ASTN2: variants seen among roughly 807,000 people sequenced by gnomAD.
ASTN2 encodes the protein astrotactin 2, also known as astrotactin-2.
A neutral mutation model predicts 139.8 loss-of-function variants in ASTN2; 54 were observed. The ratio of observed to expected loss-of-function variants is 0.39; its 90% CI spans 0.31 to 0.48. The LOEUF is 0.48. ASTN2 is among the 20% of genes least tolerant of loss of function. The pLI, the probability that ASTN2 is intolerant of heterozygous loss-of-function variation, is 0.95. For missense variants in ASTN2, 1,565 were observed against 1,725.1 expected (o/e 0.91, Z 1.64); for synonymous variants, 756 against 719.5 (o/e 1.05, Z -0.81).
At chr9:116,943,359 C>T (rs978299642) in intron 10 of ASTN2, among the ~76,000 whole-genome samples, 3 of 152,176 alleles carry the variant, frequency 2.0e-5, no homozygotes, top group African/African-American at 4.8e-5. Context: ...TAGCACCTTT[C>T]TTTCTTCCCT....
At chr9:116,822,710 G>A (rs986436751) in intron 11 of ASTN2, among the ~76,000 whole-genome samples, 2 of 152,178 alleles carry the variant, frequency 1.3e-5, no homozygotes, top group East Asian at 1.9e-4. Flanking sequence ...CGCTTTACCC[G>A]TTTTAACTTA....
chr9:116,555,412 A>G (rs1248632687), intron 19 of ASTN2, among the ~76,000 whole-genome samples: 2 of 152,070 alleles, frequency 1.3e-5, no homozygotes, highest in Non-Finnish European at 2.9e-5. Flanking sequence ...CTCTGTCCCC[A>G]CTCTCAGTTT....
At chr9:116,974,355 G>A (rs1238180607) in intron 10 of ASTN2, among the ~76,000 whole-genome samples, 1 of 152,132 alleles carries the variant, frequency 6.6e-6, no homozygotes, top group African/African-American at 2.4e-5. Context: ...CTTGAGAAGT[G>A]CACCATAATG....
chr9:116,437,316 G>C (rs184889215), intron 22 of ASTN2: 1 of 471,320 alleles, frequency 2.1e-6, no homozygotes, highest in Admixed American at 2.3e-5. Flanking sequence ...GCAGCACCAG[G>C]ATAGATTAGG....
chr9:116,836,182 C>T (rs1425019849), intron 11 of ASTN2, among the ~76,000 whole-genome samples: 2 of 152,058 alleles, frequency 1.3e-5, no homozygotes, highest in Non-Finnish European at 2.9e-5. Flanking sequence ...AGTCACTGTT[C>T]CCCCCTTAAT....
intron 10 of ASTN2, among the ~76,000 whole-genome samples, chr9:116,961,016 T>A (rs1835861089): frequency 1.1e-4 from 1 of 9,166 alleles, no homozygotes; most frequent in Admixed American, 2.2e-3. Flanking sequence ...AAAGATGCTG[T>A]AAGAGGAGGA....
At position 116,448,735 on chromosome 9, in the gene ASTN2, A is replaced by G. The variant is rs74459508; in HGVS notation, c.3498-6182T>C. ...TTATCTTGTGGGATTGTGAGAATGA[A>G]ATCAGAATGCAATCTCCCTACCCAT... On this transcript the variant is annotated intron_variant, in intron 20 of 22. Transcript: ENST00000313400. Among the ~76,000 whole-genome samples, 1,977 of 152,288 alleles carry G rather than the reference A, an allele frequency of 0.013. 183 individuals carry two copies. The South Asian group carries it at 0.21, about 16-fold the overall frequency.
At chr9:116,597,299 AT>A (rs757848093) in intron 19 of ASTN2, among the ~76,000 whole-genome samples, 10,684 of 75,396 alleles carry the variant, frequency 0.14, 305 homozygotes, top group Middle Eastern at 0.18. Context: ...CTTTTGATCT[AT>A]TTTTTTTTTT....
chr9:117,065,114 T>C (rs1331385160), intron 5 of ASTN2, among the ~76,000 whole-genome samples: 1 of 152,064 alleles, frequency 6.6e-6, no homozygotes, highest in Non-Finnish European at 1.5e-5. Flanking sequence ...GCAATGCACA[T>C]ACAGGACTAG....
chr9:117,135,687 C>T (rs988040211), intron 4 of ASTN2, among the ~76,000 whole-genome samples: 1 of 152,118 alleles, frequency 6.6e-6, no homozygotes, highest in African/African-American at 2.4e-5. Context: ...GCTATGAGTG[C>T]TCAGAGAAAA....
rs191716828 is a variant in ASTN2, at chr9:116,778,154, C to T, written c.2396+27478G>A. Among the ~76,000 whole-genome samples the T allele has an allele frequency of 7.0e-4, 106 of 152,028 alleles. 1 individual carries two copies. The highest frequency in any genetic ancestry group is 1.2e-4 in the Non-Finnish European group (8 of 67,992). ...GCCTGTAAATTGCATTTCTAATAAG[C>T]TCCCAAGTGACGTCTATGCTGTGGG... On this transcript the variant is annotated intron_variant, in intron 13 of 22. Coordinates refer to ENST00000313400, the MANE Select transcript of ASTN2 (RefSeq NM_001365068.1).
At chr9:117,118,320 A>G (rs1435541147) in intron 4 of ASTN2, among the ~76,000 whole-genome samples, 2 of 151,946 alleles carry the variant, frequency 1.3e-5, no homozygotes. Flanking sequence ...CCAGTCATGA[A>G]CTTACCCAGA....
intron 6 of ASTN2, among the ~76,000 whole-genome samples, chr9:117,016,813 T>TTTTATA (rs1554769653): frequency 5.4e-5 from 5 of 92,570 alleles, no homozygotes; most frequent in African/African-American, 1.3e-4. Flanking sequence ...TATATATGTT[T>TTTTATA]TATATATATA....
rs143522238 is a variant in ASTN2 at position 116,733,460 on chromosome 9, C to G, written c.2460G>C (p.Pro820=). The part of the protein sequence containing the change: ...LADGLLVIPL[P]VEEQCRGVLS... ...GGACCCCCCGGCACTGCTCCTCCACCGGCAGCGGGATCACCAACAGCCCAT... is the reference window on the plus strand; with the variant it reads ...GGACCCCCCGGCACTGCTCCTCCACGGGCAGCGGGATCACCAACAGCCCAT... The change falls in exon 14 of 23, where the codon CCG becomes CCC. Residue 820 remains proline (P), a synonymous_variant. Transcript: ENST00000313400. 4.0e-5 allele frequency: 65 copies of G among 1,614,130 alleles called. No individual in the cohort carries two copies. The African/African-American group carries it at 7.5e-4, about 19-fold the overall frequency.
intron 3 of ASTN2, among the ~76,000 whole-genome samples, chr9:117,189,863 G>A (rs1439207857): frequency 6.6e-6 from 1 of 152,154 alleles, no homozygotes; most frequent in Non-Finnish European, 1.5e-5. Flanking sequence ...ACTAATCTGT[G>A]CATCCCTACC....
chr9:116,923,797 G>A (rs1403521759), intron 10 of ASTN2, among the ~76,000 whole-genome samples: 1 of 152,172 alleles, frequency 6.6e-6, no homozygotes, highest in East Asian at 1.9e-4. Context: ...ACCCATGCAA[G>A]GGTTCTCTCT....
At chr9:117,346,469 C>A (rs552374029) in intron 1 of ASTN2, among the ~76,000 whole-genome samples, 2 of 152,226 alleles carry the variant, frequency 1.3e-5, no homozygotes, top group Admixed American at 6.5e-5. Context: ...AACCAACTAA[C>A]CAAACTCCTA....
chr9:116,583,399 T>C (rs1854026432), intron 19 of ASTN2: 1 of 152,176 alleles, frequency 6.6e-6, no homozygotes, highest in Non-Finnish European at 1.5e-5. Flanking sequence ...ATTACTTATG[T>C]TCCCAATTTA....
chr9:117,308,926 A>T (rs1827865756), intron 1 of ASTN2, among the ~76,000 whole-genome samples: 1 of 152,192 alleles, frequency 6.6e-6, no homozygotes, highest in Admixed American at 6.5e-5. Context: ...AACTTGAGTG[A>T]ACTTTCCAAA....
Sources: gnomAD v4.1 joint callset for allele counts (sites outside exome capture counted in the v4.1 genomes callset) on GRCh38, gnomAD v4.1.1 for gene constraint, MANE v1.5 for transcripts, NCBI Gene and HGNC (gene_info 2026-07-23, HGNC 2026-07-21) for gene names.